The following C6 variants were observed in gnomAD, a reference collection of about 807,000 sequenced individuals.
C6 encodes complement C6.
Under a neutral mutation model 112.9 loss-of-function variants are expected in C6, and 101 were observed. That is an observed-to-expected ratio of 0.89 (90% CI 0.76 to 1.06). The LOEUF (loss-of-function observed/expected upper bound fraction) is 1.06. Among genes scored for constraint, C6 ranks in the 50% least tolerant of loss-of-function variants. The probability of loss-of-function intolerance (pLI) is 0.00; values close to 1 mark genes in which losing one functional copy is unlikely to be tolerated. For synonymous variants in C6, 431 were observed against 384.1 expected, an observed-to-expected ratio of 1.12 and a Z score of -1.43; for missense variants, 1,202 against 1,104.6, an observed-to-expected ratio of 1.09 and a Z score of -1.25.
At position 41,142,371 on chromosome 5, in the gene C6, A is replaced by G; in HGVS notation, c.*454T>C. 9.8e-6 allele frequency: 2 copies of G among 204,240 alleles called. No individual in the cohort carries two copies. Among genetic ancestry groups the G allele is most frequent in the East Asian group, 2.1e-4 (2 of 9,548 alleles). 12.7% of individuals were successfully genotyped at this position (204,240 alleles called of 1,614,324 possible). On this transcript the variant is annotated 3_prime_UTR_variant, in exon 18 of 18. Transcript: ENST00000337836. ...CTTTGGTCAGTACTTGACATCCTGT[A>G]TACACACTCAGAAATTATTTGTTGA...
At chr5:41,190,983 T>A (rs927779262) in intron 5 of C6, among the ~76,000 whole-genome samples, 102 of 151,902 alleles carry the variant, frequency 6.7e-4, no homozygotes, top group African/African-American at 2.3e-3. Context: ...ATGCCAATAG[T>A]GTGCTGCTTG....
At position 41,191,290 on chromosome 5, in the gene C6, C is replaced by T. The variant is rs529521563; in HGVS notation, c.587+4502G>A. 2.0e-5 allele frequency among the ~76,000 whole-genome samples: 3 copies of T among 152,144 alleles called. No homozygotes were observed. The East Asian group carries it at 5.8e-4, about 29-fold the overall frequency. ...CTATGTTGGCCAGACTTGTCTTGAA[C>T]TCCTGAACTCATGATCCACCCGCCT... On this transcript the variant is annotated intron_variant, in intron 5 of 17. Transcript: ENST00000337836.
chr5:41,255,309 C>T (rs976574037), intron 1 of C6, among the ~76,000 whole-genome samples: 12 of 150,674 alleles, frequency 8.0e-5, no homozygotes, highest in Admixed American at 2.0e-4. Flanking sequence ...CGCAGTGAGC[C>T]GAGATCGCCC....
At chr5:41,201,959 G>A (rs943023122) in intron 2 of C6, among the ~76,000 whole-genome samples, 6 of 152,100 alleles carry the variant, frequency 3.9e-5, no homozygotes, top group Non-Finnish European at 8.8e-5. Flanking sequence ...CTTCAAGACA[G>A]CAAAGGCAGA....
intron 1 of C6, among the ~76,000 whole-genome samples, chr5:41,233,485 G>T (rs1740036310): frequency 6.6e-6 from 1 of 152,074 alleles, no homozygotes; most frequent in Admixed American, 6.6e-5. Context: ...TTCACATATA[G>T]AATATTTACA....
chr5:41,203,119 T>A lies in C6; in HGVS notation c.112A>T (p.Thr38Ser). The change falls in exon 2 of 18, where the codon ACT becomes TCT. Residue 38 changes from threonine (T) to serine (S), a missense_variant. Transcript: ENST00000337836. ...AWTQWTSCSK[T>S]CNSGTQSRHR... ...CTGCTCTGGGTTCCAGAATTGCAAGTTTTTGAGCAGCTGGTCCACTGAGTC... is the reference window on the plus strand; with the variant it reads ...CTGCTCTGGGTTCCAGAATTGCAAGATTTTGAGCAGCTGGTCCACTGAGTC... 1 of 1,614,048 alleles carries A rather than the reference T, an allele frequency of 6.2e-7. No homozygotes were observed.
At chr5:41,145,303 CAT>C (rs1366459038) in intron 17 of C6, among the ~76,000 whole-genome samples, 2 of 152,162 alleles carry the variant, frequency 1.3e-5, no homozygotes, top group African/African-American at 4.8e-5. Context: ...GTTAGATTTT[CAT>C]ATGTCTTTTC....
At chr5:41,151,669 G>A (rs1375405257) in intron 15 of C6, among the ~76,000 whole-genome samples, 1 of 152,152 alleles carries the variant, frequency 6.6e-6, no homozygotes, top group Non-Finnish European at 1.5e-5. Flanking sequence ...AGTGCAGTGT[G>A]AGGCGAGGGG....
At chr5:41,239,895 G>T (rs868321235) in intron 1 of C6, among the ~76,000 whole-genome samples, 2 of 151,984 alleles carry the variant, frequency 1.3e-5, no homozygotes, top group South Asian at 2.1e-4. Flanking sequence ...TCCTTGTCTG[G>T]CAATTTTCCT....
chr5:41,187,725 C>CAG (rs1184023755), intron 5 of C6, among the ~76,000 whole-genome samples: 2 of 151,416 alleles, frequency 1.3e-5, no homozygotes, highest in Non-Finnish European at 2.9e-5. Context: ...CACACACACA[C>CAG]AGCTTTTAAG....
chr5:41,211,544 T>C (rs1384167452), intron 1 of C6, among the ~76,000 whole-genome samples: 2 of 151,900 alleles, frequency 1.3e-5, no homozygotes, highest in Non-Finnish European at 2.9e-5. Context: ...ATCAGACATA[T>C]AATGTGAGTC....
intron 6 of C6, 85 bp downstream of exon 6, chr5:41,185,985 C>A: frequency 6.6e-7 from 1 of 1,524,982 alleles, no homozygotes; most frequent in Admixed American, 1.7e-5. Context: ...TATTCTGTCC[C>A]TTCATTCATC....
chr5:41,222,919 A>G (rs1277577643), intron 1 of C6, among the ~76,000 whole-genome samples: 1 of 152,192 alleles, frequency 6.6e-6, no homozygotes, highest in Non-Finnish European at 1.5e-5. Flanking sequence ...TAAATTTAAT[A>G]TCCTAACTGT....
intron 1 of C6, among the ~76,000 whole-genome samples, chr5:41,208,267 A>T (rs1000053375): frequency 6.6e-6 from 1 of 152,230 alleles, no homozygotes; most frequent in African/African-American, 2.4e-5. Context: ...AAGAGAAAGC[A>T]GGAAAGATCC....
At chr5:41,208,605 A>C (rs182547132) in intron 1 of C6, among the ~76,000 whole-genome samples, 1 of 152,364 alleles carries the variant, frequency 6.6e-6, no homozygotes, top group Non-Finnish European at 1.5e-5. Flanking sequence ...CTACACAAAT[A>C]AACTAGAAAA....
chr5:41,216,791 C>A (rs1274278590), upstream of C6, among the ~76,000 whole-genome samples: 1 of 152,050 alleles, frequency 6.6e-6, no homozygotes, highest in Non-Finnish European at 1.5e-5. Flanking sequence ...CTTTAGAACT[C>A]CTCCTGTAAT....
At chr5:41,251,209 T>G (rs1416808926) in intron 1 of C6, among the ~76,000 whole-genome samples, 1 of 152,204 alleles carries the variant, frequency 6.6e-6, no homozygotes, top group Non-Finnish European at 1.5e-5. Context: ...TGCAAGTTCT[T>G]AAATAAATTG....
chr5:41,159,368 T>C (rs1355461281), intron 11 of C6, 115 bp from the exon 12 acceptor site: 7 of 1,483,054 alleles, frequency 4.7e-6, no homozygotes, highest in African/African-American at 1.4e-5. Flanking sequence ...TTGTGGGATA[T>C]GATAGGGTTC....
chr5:41,202,806 A>T (rs1751134912), intron 2 of C6, among the ~76,000 whole-genome samples: 1 of 150,598 alleles, frequency 6.6e-6, no homozygotes, highest in Non-Finnish European at 1.5e-5. Context: ...ATGCTGATTG[A>T]AAAAAGCTTG....
Sources: gnomAD v4.1 joint callset for allele counts (sites outside exome capture counted in the v4.1 genomes callset) on GRCh38, gnomAD v4.1.1 for gene constraint, MANE v1.5 for transcripts, NCBI Gene and HGNC (gene_info 2026-07-23, HGNC 2026-07-21) for gene names.